The following FSTL5 variants were observed in gnomAD, a reference collection of about 807,000 sequenced individuals.
The protein encoded by FSTL5 is follistatin like 5, also known as follistatin-related protein 5.
FSTL5 carries 62 observed loss-of-function variants against 89.1 expected under a neutral mutation model. That is an observed-to-expected ratio of 0.70 (90% CI 0.57 to 0.86). The LOEUF (loss-of-function observed/expected upper bound fraction) is 0.86, where lower values mean the gene tolerates loss of function less well. Among genes scored for constraint, FSTL5 ranks in the 40% least tolerant of loss-of-function variants. The pLI, the probability that FSTL5 is intolerant of heterozygous loss-of-function variation, is 0.00. For missense variants in FSTL5, 1,057 were observed against 1,001.6 expected (o/e 1.06, Z -0.75); for synonymous variants, 383 against 346.2 (o/e 1.11, Z -1.18).
intron 4 of FSTL5, among the ~76,000 whole-genome samples, chr4:161,845,056 G>T (rs78362757): frequency 0.074 from 11,184 of 152,134 alleles, 457 homozygotes; most frequent in African/African-American, 0.11. Context: ...TAATTAAAAA[G>T]AAATAGAACA....
chr4:161,918,867 T>C (rs1733913382), intron 4 of FSTL5, among the ~76,000 whole-genome samples: 1 of 151,986 alleles, frequency 6.6e-6, no homozygotes, highest in Non-Finnish European at 1.5e-5. Flanking sequence ...GGTTTTGAAC[T>C]CCTGACTTCA....
intron 1 of FSTL5, among the ~76,000 whole-genome samples, chr4:162,153,976 T>C (rs540690435): frequency 6.6e-6 from 1 of 151,442 alleles, no homozygotes; most frequent in East Asian, 1.9e-4. Flanking sequence ...CAGCTAATTT[T>C]TTGTATTTTT....
chr4:161,499,832 C>T (rs1730232718), intron 12 of FSTL5, among the ~76,000 whole-genome samples, 184 bp downstream of exon 12: 1 of 151,570 alleles, frequency 6.6e-6, no homozygotes, highest in Non-Finnish European at 1.5e-5. Context: ...CTTAGGAATA[C>T]ATAATATATT....
At chr4:161,829,139 TTATA>T (rs56839306) in intron 4 of FSTL5, among the ~76,000 whole-genome samples, 1,845 of 139,922 alleles carry the variant, frequency 0.013, 29 homozygotes, top group African/African-American at 0.042. Context: ...CAGTCACATT[TTATA>T]TATATATATA....
intron 10 of FSTL5, among the ~76,000 whole-genome samples, chr4:161,523,883 T>G (rs1731117098): frequency 6.6e-6 from 1 of 152,108 alleles, no homozygotes; most frequent in Admixed American, 6.5e-5. Context: ...ACTAAATAAT[T>G]AATATGTAAA....
intron 3 of FSTL5, among the ~76,000 whole-genome samples, chr4:161,997,733 T>C (rs1468133581): frequency 1.3e-5 from 2 of 151,078 alleles, no homozygotes; most frequent in South Asian, 2.1e-4. Flanking sequence ...GCCTCCAGAG[T>C]AGCTGGGACT....
Position 162,141,187 on chromosome 4 carries a change from A to G in FSTL5, c.-17+22428T>C, listed in dbSNP as rs1394011999. 1.4e-4 allele frequency among the ~76,000 whole-genome samples: 10 copies of G among 69,452 alleles called. No individual in the cohort carries two copies. The East Asian group carries it at 2.5e-3, about 18-fold the overall frequency. 45.6% of individuals were successfully genotyped at this position (69,452 alleles called of 152,430 possible). A position where few individuals can be genotyped will look rare whatever the true frequency, so the allele number is the denominator to read the frequency against. On this transcript the variant is annotated intron_variant, in intron 1 of 15. Coordinates refer to ENST00000306100, the MANE Select transcript of FSTL5 (RefSeq NM_020116.5). ...GCTGGAGTGCAGTGGCGCGATCTCGACTCACTGCAAGCTCCGCCTCCCGGG... is the reference window on the plus strand; with the variant it reads ...GCTGGAGTGCAGTGGCGCGATCTCGGCTCACTGCAAGCTCCGCCTCCCGGG...
intron 3 of FSTL5, among the ~76,000 whole-genome samples, chr4:162,017,653 A>G (rs1268534670): frequency 6.6e-6 from 1 of 152,206 alleles, no homozygotes; most frequent in Non-Finnish European, 1.5e-5. Flanking sequence ...GCAGACCACT[A>G]AGCATATTAA....
chr4:161,500,995 C>T (rs928935518), intron 11 of FSTL5, among the ~76,000 whole-genome samples: 1 of 152,114 alleles, frequency 6.6e-6, no homozygotes, highest in Non-Finnish European at 1.5e-5. Flanking sequence ...TGTAATCCTT[C>T]CTTTTCTGGT....
chr4:161,672,565 C>T (rs1440776246), intron 6 of FSTL5, among the ~76,000 whole-genome samples: 1 of 151,722 alleles, frequency 6.6e-6, no homozygotes, highest in Non-Finnish European at 1.5e-5. Context: ...AATGAGATGA[C>T]CAGTAACATT....
chr4:162,135,426 A>G (rs1732487233), intron 1 of FSTL5, among the ~76,000 whole-genome samples: 1 of 152,120 alleles, frequency 6.6e-6, no homozygotes, highest in African/African-American at 2.4e-5. Flanking sequence ...AATAACTTGC[A>G]ATCTCACAGC....
chr4:161,415,716 T>C (rs2110950255), intron 15 of FSTL5, among the ~76,000 whole-genome samples: 1 of 148,874 alleles, frequency 6.7e-6, no homozygotes, highest in South Asian at 2.1e-4. Context: ...AACATATATA[T>C]ATATGGGAGA....
intron 4 of FSTL5, among the ~76,000 whole-genome samples, chr4:161,900,359 A>G (rs551563631): frequency 1.3e-5 from 2 of 152,258 alleles, no homozygotes. Context: ...TCGGGTTCTC[A>G]GCAAGAACAG....
At position 161,740,272 on chromosome 4, in the gene FSTL5, G is replaced by A. The variant is rs547002993; in HGVS notation, c.727+19139C>T. On this transcript the variant is annotated intron_variant, in intron 6 of 15. Coordinates refer to ENST00000306100, the MANE Select transcript of FSTL5 (RefSeq NM_020116.5). ...TGACCTCAAGTTATTCGCCCACCTC[G>A]GCCTCCCAAAGTGCTGGGATTACAG... 4.6e-5 allele frequency among the ~76,000 whole-genome samples: 7 copies of A among 151,930 alleles called. No homozygotes were observed. In the East Asian group the frequency reaches 1.4e-3, roughly 30 times the overall value.
At chr4:161,495,751 ACT>A (rs914380613) in intron 12 of FSTL5, among the ~76,000 whole-genome samples, 4 of 151,762 alleles carry the variant, frequency 2.6e-5, no homozygotes, top group African/African-American at 7.3e-5. Context: ...GTATACTACT[ACT>A]CTCTCTTAAT....
intron 7 of FSTL5, among the ~76,000 whole-genome samples, chr4:161,595,078 C>CT (rs1024181473): frequency 6.7e-6 from 1 of 148,244 alleles, no homozygotes; most frequent in Admixed American, 6.7e-5. Flanking sequence ...AACACATTCT[C>CT]TTTTTTTCAG....
At chr4:161,715,549 C>T (rs1471577848) in intron 6 of FSTL5, among the ~76,000 whole-genome samples, 2 of 152,048 alleles carry the variant, frequency 1.3e-5, no homozygotes, top group Non-Finnish European at 2.9e-5. Flanking sequence ...AGCTCTCCAC[C>T]CTCCACTATC....
chr4:161,690,701 A>G (rs893141833), intron 6 of FSTL5, among the ~76,000 whole-genome samples: 7 of 152,106 alleles, frequency 4.6e-5, no homozygotes, highest in African/African-American at 1.7e-4. Context: ...GGTTTGTTAC[A>G]TAAGTAAAGT....
chr4:161,774,366 A>G (rs1741321869), intron 5 of FSTL5, among the ~76,000 whole-genome samples: 1 of 152,138 alleles, frequency 6.6e-6, no homozygotes, highest in African/African-American at 2.4e-5. Flanking sequence ...TGAACTTCCA[A>G]CTTCCAGGAT....
Sources: gnomAD v4.1 joint callset for allele counts (sites outside exome capture counted in the v4.1 genomes callset) on GRCh38, gnomAD v4.1.1 for gene constraint, MANE v1.5 for transcripts, NCBI Gene and HGNC (gene_info 2026-07-23, HGNC 2026-07-21) for gene names.